Variants in DLGAP1 observed in about 807,000 individuals in gnomAD.
The protein encoded by DLGAP1 is disks large-associated protein 1.
In DLGAP1, 11 loss-of-function variants were observed where a neutral mutation model predicts 90.8. The ratio of observed to expected loss-of-function variants is 0.12; its 90% confidence interval spans 0.08 to 0.20. DLGAP1 has a LOEUF of 0.20. DLGAP1 is among the 10% of genes least tolerant of loss of function. The pLI, the probability that DLGAP1 is intolerant of heterozygous loss-of-function variation, is 1.00. For synonymous variants in DLGAP1, 558 were observed against 540.7 expected, an observed-to-expected ratio of 1.03 and a Z score of -0.44; for missense variants, 1,050 against 1,333.8, an observed-to-expected ratio of 0.79 and a Z score of 3.31.
At chr18:4,195,358 G>A (rs2077477310) in intron 1 of DLGAP1, among the ~76,000 whole-genome samples, 1 of 152,024 alleles carries the variant, frequency 6.6e-6, no homozygotes, top group African/African-American at 2.4e-5. Context: ...CAACTACTAA[G>A]CCTACGAATA....
At chr18:3,602,753 T>C (rs1428373702) in intron 7 of DLGAP1, among the ~76,000 whole-genome samples, 1 of 152,106 alleles carries the variant, frequency 6.6e-6, no homozygotes, top group African/African-American at 2.4e-5. Context: ...AAAGGAACCA[T>C]AGAAGATACA....
chr18:4,411,918 T>C (rs9953254), intron 1 of DLGAP1, among the ~76,000 whole-genome samples: 9,393 of 152,134 alleles, frequency 0.062, 935 homozygotes, highest in African/African-American at 0.22. Context: ...ATTTGATTGA[T>C]CACAGCCTGT....
At position 4,007,654 on chromosome 18, in the gene DLGAP1, TCAAA is replaced by T. The variant is rs58276911; in HGVS notation, c.-158-2457_-158-2454del. ...CTGGGTGACAGAACAAGGCTCCATC[TCAAA>T]CAAACAAACAAACAAACAAAAAACC... On this transcript the variant is annotated intron_variant, in intron 2 of 12. Coordinates refer to ENST00000315677, the MANE Select transcript of DLGAP1 (RefSeq NM_004746.4). Among the ~76,000 whole-genome samples, 74 of 151,826 alleles carry T rather than the reference TCAAA, an allele frequency of 4.9e-4. No individual in the cohort carries two copies. The East Asian group carries it at 8.1e-3, about 17-fold the overall frequency.
intron 1 of DLGAP1, among the ~76,000 whole-genome samples, chr18:4,219,162 T>G (rs953051402): frequency 6.6e-6 from 1 of 151,562 alleles, no homozygotes; most frequent in Admixed American, 6.6e-5. Context: ...TTTTTGTTAA[T>G]AGCCATTCTT....
intron 7 of DLGAP1, among the ~76,000 whole-genome samples, chr18:3,632,068 C>T (rs1381257398): frequency 6.6e-6 from 1 of 152,160 alleles, no homozygotes; most frequent in Non-Finnish European, 1.5e-5. Context: ...AGCCACTGTG[C>T]CTGGCCTCAC....
intron 7 of DLGAP1, among the ~76,000 whole-genome samples, chr18:3,664,217 C>CA (rs1555620331): frequency 0.02 from 1,710 of 86,170 alleles, 29 homozygotes; most frequent in African/African-American, 0.082. Flanking sequence ...CACACACACA[C>CA]CCACACACAC....
intron 1 of DLGAP1, chr18:4,294,320 C>A (rs2143107004): frequency 6.6e-6 from 1 of 152,424 alleles, no homozygotes; most frequent in South Asian, 2.1e-4. Context: ...AATGTCACCA[C>A]CTCCTTGAGA....
intron 7 of DLGAP1, among the ~76,000 whole-genome samples, chr18:3,696,393 GTT>G (rs1163016232): frequency 1.3e-5 from 2 of 152,156 alleles, no homozygotes; most frequent in African/African-American, 4.8e-5. Context: ...TTTATTGAGA[GTT>G]TTTAGTGTGA....
intron 1 of DLGAP1, among the ~76,000 whole-genome samples, chr18:4,159,835 CTT>C (rs1454399197): frequency 2.6e-5 from 4 of 152,270 alleles, no homozygotes; most frequent in South Asian, 2.1e-4. Flanking sequence ...TCTCCATTCT[CTT>C]GTTTGTACTT....
intron 1 of DLGAP1, among the ~76,000 whole-genome samples, chr18:4,167,179 T>C (rs888106549): frequency 2.0e-5 from 3 of 152,146 alleles, no homozygotes; most frequent in Admixed American, 6.5e-5. Flanking sequence ...GGCCAACTTA[T>C]ATGCCGACAT....
intron 5 of DLGAP1, among the ~76,000 whole-genome samples, chr18:3,763,499 T>C (rs371333704): frequency 4.9e-4 from 75 of 152,238 alleles, no homozygotes; most frequent in Middle Eastern, 3.4e-3. Flanking sequence ...TAGTTCTGTC[T>C]CTCTAGAGAA....
intron 1 of DLGAP1, among the ~76,000 whole-genome samples, chr18:4,423,495 A>T (rs1265145927): frequency 6.6e-6 from 1 of 152,208 alleles, no homozygotes; most frequent in Non-Finnish European, 1.5e-5. Flanking sequence ...GTAGGTTGGA[A>T]TTTTCAACAT....
chr18:4,382,198 T>C (rs768405646), intron 1 of DLGAP1, among the ~76,000 whole-genome samples: 2 of 152,126 alleles, frequency 1.3e-5, no homozygotes, highest in Admixed American at 6.6e-5. Context: ...TACAGCGGAA[T>C]GGCTAAGAGT....
intron 7 of DLGAP1, among the ~76,000 whole-genome samples, chr18:3,717,769 T>A (rs575612676): frequency 6.6e-6 from 1 of 152,344 alleles, no homozygotes; most frequent in Admixed American, 6.5e-5. Flanking sequence ...ATGGGGCAAA[T>A]TCTATGTACA....
chr18:4,334,213 G>A (rs543942837), intron 1 of DLGAP1, among the ~76,000 whole-genome samples: 14 of 151,666 alleles, frequency 9.2e-5, no homozygotes, highest in East Asian at 2.0e-4. Flanking sequence ...ACTCCAGCCC[G>A]GGCAACAAGA....
intron 2 of DLGAP1, among the ~76,000 whole-genome samples, chr18:4,106,656 C>T (rs936515283): frequency 2.6e-5 from 4 of 152,262 alleles, no homozygotes; most frequent in African/African-American, 7.2e-5. Context: ...AAGGCGCTGC[C>T]TGTCTTCTCA....
At chr18:3,627,940 C>T (rs764225307) in intron 7 of DLGAP1, among the ~76,000 whole-genome samples, 18 of 129,232 alleles carry the variant, frequency 1.4e-4, no homozygotes, top group Middle Eastern at 5.8e-3. Context: ...TGCAATGGGG[C>T]GATCTCGGCT....
chr18:4,271,885 A>T (rs1433597587), intron 1 of DLGAP1, among the ~76,000 whole-genome samples: 3 of 152,222 alleles, frequency 2.0e-5, no homozygotes, highest in Non-Finnish European at 4.4e-5. Context: ...AATCATGCTC[A>T]TTAAATCAAG....
At chr18:3,980,308 G>C (rs62083618) in intron 3 of DLGAP1, among the ~76,000 whole-genome samples, 265 of 151,956 alleles carry the variant, frequency 1.7e-3, no homozygotes, top group African/African-American at 6.1e-3. Flanking sequence ...TGGCTGGGTG[G>C]AGGCGGCAGG....
Sources: gnomAD v4.1 joint callset for allele counts (sites outside exome capture counted in the v4.1 genomes callset) on GRCh38, gnomAD v4.1.1 for gene constraint, MANE v1.5 for transcripts, NCBI Gene and HGNC (gene_info 2026-07-23, HGNC 2026-07-21) for gene names.